MRPS23: variants seen among roughly 807,000 people sequenced by gnomAD.
MRPS23 encodes the protein small ribosomal subunit protein mS23.
MRPS23 carries 14 observed loss-of-function variants against 19.8 expected under a neutral mutation model. The ratio of observed to expected loss-of-function variants is 0.71; its 90% CI spans 0.47 to 1.11. The LOEUF is 1.11. Ranked by LOEUF, MRPS23 falls within the 50% of genes least tolerant of loss-of-function variation. The pLI is 0.00. For synonymous variants in MRPS23, 113 were observed against 89.7 expected, an observed-to-expected ratio of 1.26 and a Z score of -1.47; for missense variants, 242 against 236.7, an observed-to-expected ratio of 1.02 and a Z score of -0.15.
intron 4 of MRPS23, among the ~76,000 whole-genome samples, chr17:57,840,446 GT>G (rs1480239232): frequency 2.6e-5 from 4 of 151,632 alleles, no homozygotes; most frequent in Admixed American, 2.6e-4. Flanking sequence ...CGACTCACTT[GT>G]TTCAAGTAGC....
chr17:57,845,330 C>T (rs893870713), intron 2 of MRPS23, among the ~76,000 whole-genome samples: 1 of 152,132 alleles, frequency 6.6e-6, no homozygotes, highest in Non-Finnish European at 1.5e-5. Context: ...CATACTTGTT[C>T]TGCTACTTTA....
chr17:57,840,980 C>T lies in MRPS23; in HGVS notation c.366G>A (p.Gly122=). 2 of 1,614,214 alleles carry T rather than the reference C, an allele frequency of 1.2e-6. No homozygotes were observed. The highest frequency in any genetic ancestry group is 1.7e-6 in the Non-Finnish European group (2 of 1,180,044). Residue 122 remains glycine, a synonymous_variant, in exon 4 of 5, where the codon GGG becomes GGA. Transcript: ENST00000313608. ...TGACACCTTCTGCCAATAAAGCCTTCCCTGTTTCCACAAATAACTTCTCTT... is the reference window on the plus strand; with the variant it reads ...TGACACCTTCTGCCAATAAAGCCTTTCCTGTTTCCACAAATAACTTCTCTT... ...TDEEKLFVET[G]KALLAEGVIL... is the part of the protein sequence containing the mutation.
At chr17:57,844,037 T>A (rs1192719689) in intron 2 of MRPS23, among the ~76,000 whole-genome samples, 3 of 152,126 alleles carry the variant, frequency 2.0e-5, no homozygotes, top group Admixed American at 2.0e-4. Context: ...CCATGTTTTC[T>A]TCCAGTACTG....
At chr17:57,842,641 A>T (rs75501561) in intron 2 of MRPS23, among the ~76,000 whole-genome samples, 3,608 of 152,200 alleles carry the variant, frequency 0.024, 62 homozygotes, top group Non-Finnish European at 0.035. Flanking sequence ...AAGCCTTCCA[A>T]ATTGCCAAAA....
chr17:57,847,916 C>T (rs767477807), intron 2 of MRPS23, among the ~76,000 whole-genome samples: 9 of 151,866 alleles, frequency 5.9e-5, no homozygotes, highest in Non-Finnish European at 1.0e-4. Flanking sequence ...AAGGTGGTCT[C>T]GAACTCCTGA....
intron 2 of MRPS23, among the ~76,000 whole-genome samples, chr17:57,842,712 C>A (rs1051387009): frequency 1.9e-4 from 29 of 151,784 alleles, no homozygotes; most frequent in Non-Finnish European, 3.8e-4. Context: ...GCACCTATCT[C>A]CCCACACCCT....
intron 2 of MRPS23, among the ~76,000 whole-genome samples, chr17:57,848,167 TC>T (rs2073788724): frequency 6.6e-6 from 1 of 152,002 alleles, no homozygotes; most frequent in Admixed American, 6.6e-5. Context: ...CAAGCTATCC[TC>T]CCTTATGCCT....
At chr17:57,841,480 C>G (rs1206042837) in intron 2 of MRPS23, among the ~76,000 whole-genome samples, 2 of 152,174 alleles carry the variant, frequency 1.3e-5, no homozygotes, top group African/African-American at 4.8e-5. Flanking sequence ...AAAAGTAACA[C>G]TCCCTCCCAC....
In MRPS23 at chr17:57,837,136, T is replaced by C. The variant is rs1475169623; in HGVS notation, c.*2647A>G. The C allele has an allele frequency of 6.6e-6, 1 of 152,236 alleles. No individual in the cohort carries two copies. Among genetic ancestry groups the C allele is most frequent in the East Asian group, 1.9e-4 (1 of 5,192 alleles). 9.4% of individuals were successfully genotyped at this position (152,236 alleles called of 1,614,324 possible). A position where few individuals can be genotyped will look rare whatever the true frequency, so the allele number is the denominator to read the frequency against. On this transcript the variant is annotated 3_prime_UTR_variant, in exon 5 of 5. Coordinates refer to ENST00000313608, the MANE Select transcript of MRPS23 (RefSeq NM_016070.4). The stretch of plus-strand genomic sequence containing the variant: ...TCACTATGTTTTGATCACTAAGACT[T>C]AACCTAAAGAAGTCAATGAGTGACA...
chr17:57,844,604 C>CAA (rs35491122), intron 2 of MRPS23, among the ~76,000 whole-genome samples: 3 of 122,270 alleles, frequency 2.5e-5, no homozygotes, highest in African/African-American at 6.1e-5. Context: ...CCTGAAAATA[C>CAA]AAAAAAAAAA....
intron 4 of MRPS23, 151 bp downstream of exon 4, chr17:57,840,775 G>A: frequency 1.2e-6 from 1 of 857,712 alleles, no homozygotes; most frequent in Non-Finnish European, 1.8e-6. Flanking sequence ...GGGAGGATAT[G>A]TGTAGGTTAT....
Position 57,837,104 on chromosome 17 carries a change from A to C in MRPS23, c.*2679T>G, listed in dbSNP as rs575341022. ...GTTCTGAGTTTCCAAAGTAAGCTTC[A>C]TATCTTTCACTATGTTTTGATCACT... On this transcript the variant is annotated 3_prime_UTR_variant, in exon 5 of 5. Transcript: ENST00000313608. 3 of 152,336 alleles carry C rather than the reference A, an allele frequency of 2.0e-5. No individual in the cohort carries two copies. Among genetic ancestry groups the C allele is most frequent in the Admixed American group, 6.5e-5 (1 of 15,302 alleles). 9.4% of individuals were successfully genotyped at this position (152,336 alleles called of 1,614,324 possible).
Position 57,840,935 on chromosome 17 carries a change from T to G in MRPS23, c.411A>C (p.Glu137Asp). The change falls in exon 4 of 5, where the codon GAA becomes GAC. Residue 137 changes from glutamate (E) to aspartate (D), a missense_variant. Transcript: ENST00000313608. Reference sequence around the variant, plus strand: ...ACAATGAAATACTCACAGTCCTTGCTTCGCCTACTCGTCTTAAAATGACAC... The same window carrying G: ...ACAATGAAATACTCACAGTCCTTGCGTCGCCTACTCGTCTTAAAATGACAC... ...AEGVILRRVGEARTQHGGSHV... is the reference protein window; with the variant it reads ...AEGVILRRVGDARTQHGGSHV... 6.2e-7 allele frequency: 1 copy of G among 1,614,184 alleles called. No homozygotes were observed. The highest frequency in any genetic ancestry group is 1.7e-5 in the Admixed American group (1 of 60,018).
At position 57,840,150 on chromosome 17, in the gene MRPS23, G is replaced by A. The variant is rs573743041; in HGVS notation, c.421-215C>T. Among the ~76,000 whole-genome samples the A allele has an allele frequency of 5.3e-5, 8 of 152,324 alleles. No homozygotes were observed. The South Asian group carries it at 1.4e-3, about 28-fold the overall frequency. ...CGCCTGTAATCCCAGCACTTTGGGA[G>A]GCTGAGGCGGGCGGATCACGAGGTC... On this transcript the variant is annotated intron_variant, in intron 4 of 4. Transcript: ENST00000313608.
chr17:57,838,289 C>CAAAAAAAAAAAAAAAAAAAAAA lies in MRPS23; in HGVS notation c.*1472_*1493dup. 5.4e-4 allele frequency: 16 copies of CAAAAAAAAAAAAAAAAAAAAAA among 29,416 alleles called. 1 individual carries two copies. Among genetic ancestry groups the CAAAAAAAAAAAAAAAAAAAAAA allele is most frequent in the Non-Finnish European group, 7.4e-4 (11 of 14,794 alleles). 1.8% of individuals were successfully genotyped at this position (29,416 alleles called of 1,614,324 possible). A position where few individuals can be genotyped will look rare whatever the true frequency, so the allele number is the denominator to read the frequency against. On this transcript the variant is annotated 3_prime_UTR_variant, in exon 5 of 5. Coordinates refer to ENST00000313608, the MANE Select transcript of MRPS23 (RefSeq NM_016070.4). ...TGGGAAACAAAGTGATACTCCATCG[C>CAAAAAAAAAAAAAAAAAAAAAA]AAAAAAAAAAAAAAAAAAAAAAAAA...
intron 2 of MRPS23, among the ~76,000 whole-genome samples, chr17:57,842,942 G>A (rs927031016): frequency 9.4e-5 from 13 of 138,248 alleles, no homozygotes; most frequent in African/African-American, 3.6e-4. Context: ...ACACGAGGCA[G>A]GTGCAGTGGC....
intron 2 of MRPS23, among the ~76,000 whole-genome samples, chr17:57,847,976 C>T (rs1340655729): frequency 6.7e-6 from 1 of 149,660 alleles, no homozygotes; most frequent in Non-Finnish European, 1.5e-5. Context: ...GGATTACAGG[C>T]GTGGGCCACC....
Position 57,849,331 on chromosome 17 carries a change from T to G in MRPS23, c.124A>C (p.Arg42=). The change falls in exon 2 of 5, where the codon AGG becomes CGG. Residue 42 remains arginine, a synonymous_variant. Coordinates refer to ENST00000313608, the MANE Select transcript of MRPS23 (RefSeq NM_016070.4). ...CGAGGCCTTTGGAAGACGGGCTCCC[T>G]CAGCGGGGGAAAGGCGTCATATACG... ...FDVYDAFPPL[R]EPVFQRPRVR... 6.2e-7 allele frequency: 1 copy of G among 1,614,208 alleles called. No homozygotes were observed. The highest frequency in any genetic ancestry group is 2.2e-5 in the East Asian group (1 of 44,888).
rs1285738617 is a variant in MRPS23, at chr17:57,838,069, A to G, written c.*1714T>C. On this transcript the variant is annotated 3_prime_UTR_variant, in exon 5 of 5. Transcript: ENST00000313608. ...TTTGGGAGGTTGAGATGGGTGGATC[A>G]CTTGAGGCCAGCAGTTTGAGATCAG... 1 of 151,804 alleles carries G rather than the reference A, an allele frequency of 6.6e-6. No individual in the cohort carries two copies. Among genetic ancestry groups the G allele is most frequent in the African/African-American group, 2.4e-5 (1 of 41,312 alleles). The allele number at this position is 151,804 out of a possible 1,614,324, so 9.4% of individuals were successfully genotyped here.
Sources: allele counts gnomAD v4.1 joint callset (sites outside exome capture counted in the v4.1 genomes callset), GRCh38; gene constraint gnomAD v4.1.1; transcripts MANE v1.5; gene names NCBI Gene and HGNC (gene_info 2026-07-23, HGNC 2026-07-21).